The following ZFAND4 variants were observed in gnomAD, a reference collection of about 807,000 sequenced individuals.
ZFAND4 encodes zinc finger AN1-type containing 4.
A neutral mutation model predicts 64.4 loss-of-function variants in ZFAND4; 43 were observed. The ratio of observed to expected loss-of-function variants is 0.67; its 90% CI spans 0.52 to 0.86. ZFAND4 has a LOEUF of 0.86. Among genes scored for constraint, ZFAND4 ranks in the 40% least tolerant of loss-of-function variants. The pLI is 0.00. For synonymous variants in ZFAND4, 296 were observed against 305.7 expected, an observed-to-expected ratio of 0.97 and a Z score of 0.33; for missense variants, 929 against 859.8, an observed-to-expected ratio of 1.08 and a Z score of -1.01.
At chr10:45,642,660 G>A (rs1589346771) in intron 5 of ZFAND4, among the ~76,000 whole-genome samples, 1 of 149,168 alleles carries the variant, frequency 6.7e-6, no homozygotes, top group South Asian at 2.1e-4. Context: ...TCATTTTAGA[G>A]TATAAAAACA....
chr10:45,655,719 A>T (rs2048050462), intron 2 of ZFAND4, among the ~76,000 whole-genome samples: 2 of 152,222 alleles, frequency 1.3e-5, no homozygotes, highest in African/African-American at 4.8e-5. Flanking sequence ...ATCATTCAAG[A>T]TTACTATAAA....
chr10:45,615,678 A>G lies in ZFAND4; in HGVS notation c.*758T>C, dbSNP rs575288680. On this transcript the variant is annotated 3_prime_UTR_variant, in exon 10 of 10. Coordinates refer to ENST00000344646, the MANE Select transcript of ZFAND4 (RefSeq NM_174890.4). ...AAACCGAGCTGTGAGATTTTGTTTT[A>G]AATGTAGCCATATTTCAAAAGGTAA... The G allele has an allele frequency of 6.6e-6, 1 of 152,210 alleles. No individual in the cohort carries two copies. The highest frequency in any genetic ancestry group is 2.4e-5 in the African/African-American group (1 of 41,576). The allele number at this position is 152,210 out of a possible 1,614,324, so 9.4% of individuals were successfully genotyped here.
chr10:45,631,485 G>T (rs1306110498), intron 6 of ZFAND4, among the ~76,000 whole-genome samples: 1 of 150,584 alleles, frequency 6.6e-6, no homozygotes, highest in African/African-American at 2.4e-5. Context: ...TTAATTCCAA[G>T]ATACATCCTA....
chr10:45,616,335 G>T lies in ZFAND4; in HGVS notation c.*101C>A. 3 of 1,451,268 alleles carry T rather than the reference G, an allele frequency of 2.1e-6. No homozygotes were observed. The highest frequency in any genetic ancestry group is 1.4e-5 in the South Asian group (1 of 72,836). 89.9% of individuals were successfully genotyped at this position (1,451,268 alleles called of 1,614,324 possible). ...TATGCATTGTATGCTTTTGTTATTTGGCAAATCTTTTAGAGTCGAACAAAA... is the reference window on the plus strand; with the variant it reads ...TATGCATTGTATGCTTTTGTTATTTTGCAAATCTTTTAGAGTCGAACAAAA... On this transcript the variant is annotated 3_prime_UTR_variant, in exon 10 of 10. Coordinates refer to ENST00000344646, the MANE Select transcript of ZFAND4 (RefSeq NM_174890.4).
chr10:45,671,364 T>C (rs2049174963), intron 1 of ZFAND4, among the ~76,000 whole-genome samples: 1 of 152,222 alleles, frequency 6.6e-6, no homozygotes, highest in African/African-American at 2.4e-5. Context: ...CATGCCACTA[T>C]AAAGACACAT....
At chr10:45,666,438 T>C (rs971438728) in intron 1 of ZFAND4, among the ~76,000 whole-genome samples, 2 of 152,230 alleles carry the variant, frequency 1.3e-5, no homozygotes, top group African/African-American at 4.8e-5. Context: ...TTACATATTC[T>C]AGATAAAAAC....
intron 1 of ZFAND4, among the ~76,000 whole-genome samples, chr10:45,665,598 AT>A (rs1033030672): frequency 6.6e-6 from 1 of 152,158 alleles, no homozygotes; most frequent in Non-Finnish European, 1.5e-5. Flanking sequence ...AAATTCACTC[AT>A]TTAAAGCCTA....
intron 6 of ZFAND4, among the ~76,000 whole-genome samples, chr10:45,637,654 G>A (rs1283896580): frequency 6.6e-6 from 1 of 152,058 alleles, no homozygotes; most frequent in Non-Finnish European, 1.5e-5. Flanking sequence ...GGAGGCTGGG[G>A]CAGAAGAATT....
intron 1 of ZFAND4, among the ~76,000 whole-genome samples, chr10:45,667,595 A>T (rs142306443): frequency 6.6e-6 from 1 of 151,624 alleles, no homozygotes; most frequent in Non-Finnish European, 1.5e-5. Context: ...CAGCTTCCCA[A>T]ATAGCTGGGA....
chr10:45,656,794 A>T (rs2048151071), intron 2 of ZFAND4, among the ~76,000 whole-genome samples: 1 of 152,028 alleles, frequency 6.6e-6, no homozygotes, highest in Admixed American at 6.6e-5. Flanking sequence ...GTCCTCAAGA[A>T]TGGGATTAGT....
In ZFAND4 at chr10:45,666,585, C is replaced by T. The variant is rs144402104; in HGVS notation, c.-117-2743G>A. Among the ~76,000 whole-genome samples, 636 of 152,228 alleles carry T rather than the reference C, an allele frequency of 4.2e-3. 4 individuals carry two copies. Among genetic ancestry groups the T allele is most frequent in the African/African-American group, 0.014 (602 of 41,548 alleles). On this transcript the variant is annotated intron_variant, in intron 1 of 9. Transcript: ENST00000344646. ...TTTTTCTTTTATCATACTTAAAAAG[C>T]TTGGCTTAACCCAAGGTAATAAAGA... is the stretch of plus-strand genomic sequence containing the variant.
intron 1 of ZFAND4, among the ~76,000 whole-genome samples, chr10:45,666,347 A>G (rs1476907618): frequency 6.6e-6 from 1 of 152,178 alleles, no homozygotes; most frequent in Non-Finnish European, 1.5e-5. Flanking sequence ...CCATTTGCAT[A>G]CATTCTTTGG....
chr10:45,632,053 C>T (rs1044709064), intron 6 of ZFAND4, among the ~76,000 whole-genome samples: 4 of 152,126 alleles, frequency 2.6e-5, no homozygotes, highest in Admixed American at 2.6e-4. Flanking sequence ...AAAGACTGAT[C>T]ATAAGAATGG....
intron 2 of ZFAND4, among the ~76,000 whole-genome samples, chr10:45,661,736 T>C (rs2048484054): frequency 6.6e-6 from 1 of 151,128 alleles, no homozygotes; most frequent in South Asian, 2.1e-4. Context: ...AGGTCAGGAG[T>C]TCGAGACCAG....
chr10:45,656,501 C>CAAAAA (rs541781976), intron 2 of ZFAND4, among the ~76,000 whole-genome samples: 441 of 22,852 alleles, frequency 0.019, 1 homozygote, highest in Non-Finnish European at 0.025. Flanking sequence ...GAACCTGTCT[C>CAAAAA]AAAAAAAAAA....
At chr10:45,647,705 C>T (rs752935838) in intron 5 of ZFAND4, among the ~76,000 whole-genome samples, 8 of 152,214 alleles carry the variant, frequency 5.3e-5, no homozygotes, top group Non-Finnish European at 1.2e-4. Context: ...ATCATCTTTA[C>T]AACATCAGTG....
At position 45,639,824 on chromosome 10, in the gene ZFAND4, T is replaced by A. The variant is rs1221127312; in HGVS notation, c.709A>T (p.Ser237Cys). 8.7e-6 allele frequency: 14 copies of A among 1,609,488 alleles called. No homozygotes were observed. The highest frequency in any genetic ancestry group is 1.2e-5 in the Non-Finnish European group (14 of 1,178,614). The stretch of plus-strand genomic sequence containing the variant: ...AATGCCAACAGCTTCACCTTTTTGC[T>A]GAGATTCATGTTCTTCATCTTAGCC... ...LKAKMKNMNL[S>C]KKPKKAVKIK... The change falls in exon 6 of 10, where the codon AGC (serine) becomes TGC (cysteine). Residue 237 changes from serine (S) to cysteine (C), a missense_variant. By Grantham distance (112) the Ser-to-Cys change is moderately radical. Coordinates refer to ENST00000344646, the MANE Select transcript of ZFAND4 (RefSeq NM_174890.4).
chr10:45,623,554 A>G (rs890726176), intron 8 of ZFAND4, among the ~76,000 whole-genome samples: 1 of 152,254 alleles, frequency 6.6e-6, no homozygotes, highest in African/African-American at 2.4e-5. Flanking sequence ...AGTCATAAAA[A>G]GACAAATACT....
chr10:45,669,278 T>A (rs1291012831), intron 1 of ZFAND4, among the ~76,000 whole-genome samples: 1 of 152,158 alleles, frequency 6.6e-6, no homozygotes, highest in Non-Finnish European at 1.5e-5. Context: ...CTGGAAAATC[T>A]AGAAGAAATT....
Sources: gnomAD v4.1 joint callset for allele counts (sites outside exome capture counted in the v4.1 genomes callset) on GRCh38, gnomAD v4.1.1 for gene constraint, MANE v1.5 for transcripts, NCBI Gene and HGNC (gene_info 2026-07-23, HGNC 2026-07-21) for gene names.